Variants in RIMS4 observed in about 807,000 individuals in gnomAD.
RIMS4 encodes the protein regulating synaptic membrane exocytosis 4, also known as regulating synaptic membrane exocytosis protein 4.
In RIMS4, 9 loss-of-function variants were observed where a neutral mutation model predicts 29.0. The ratio of observed to expected loss-of-function variants is 0.31; its 90% confidence interval spans 0.19 to 0.54. The LOEUF (loss-of-function observed/expected upper bound fraction) is 0.54, where lower values mean the gene tolerates loss of function less well. RIMS4 is among the 20% of genes least tolerant of loss of function. RIMS4 has a pLI of 0.94. For synonymous variants in RIMS4, 130 were observed against 152.9 expected, an observed-to-expected ratio of 0.85 and a Z score of 1.10; for missense variants, 193 against 365.7, an observed-to-expected ratio of 0.53 and a Z score of 3.85.
chr20:44,804,659 C>T (rs973370048), intron 1 of RIMS4, among the ~76,000 whole-genome samples: 3 of 152,210 alleles, frequency 2.0e-5, no homozygotes, highest in Non-Finnish European at 4.4e-5. Flanking sequence ...CCTTCACCCC[C>T]ACTCAGCCTT....
chr20:44,808,003 A>G (rs2066306408), intron 1 of RIMS4, among the ~76,000 whole-genome samples: 1 of 152,052 alleles, frequency 6.6e-6, no homozygotes, highest in Admixed American at 6.6e-5. Context: ...GGTTTAATGG[A>G]AAGAGAACCA....
chr20:44,773,283 T>A (rs1879483734), intron 1 of RIMS4, among the ~76,000 whole-genome samples: 1 of 152,120 alleles, frequency 6.6e-6, no homozygotes, highest in Non-Finnish European at 1.5e-5. Context: ...CCATCATCTG[T>A]TCTTTCCCTA....
At position 44,810,519 on chromosome 20, in the gene RIMS4, C is replaced by CGGCGGCGGCGGCGGCGGCGGCGGT. The variant is rs1555866081; in HGVS notation, c.-249_-248insACCGCCGCCGCCGCCGCCGCCGCC. Among the ~76,000 whole-genome samples, 1 of 142,378 alleles carries CGGCGGCGGCGGCGGCGGCGGCGGT rather than the reference C, an allele frequency of 7.0e-6. No homozygotes were observed. The highest frequency in any genetic ancestry group is 6.9e-5 in the Admixed American group (1 of 14,430). 93.4% of individuals were successfully genotyped at this position (142,378 alleles called of 152,430 possible). A position where few individuals can be genotyped will look rare whatever the true frequency, so the allele number is the denominator to read the frequency against. Reference sequence around the variant, plus strand: ...GCGGCGGCGGCGGCGGCGGCGGTGGCGGCGGCGGTGGCGGCGCAGCGCGCT... The same window carrying CGGCGGCGGCGGCGGCGGCGGCGGT: ...GCGGCGGCGGCGGCGGCGGCGGTGGCGGCGGCGGCGGCGGCGGCGGCGGTGGCGGCGGTGGCGGCGCAGCGCGCT... On this transcript the variant is annotated 5_prime_UTR_variant, in exon 1 of 6. Transcript: ENST00000372851.
intron 1 of RIMS4, among the ~76,000 whole-genome samples, chr20:44,794,930 A>G (rs2066248207): frequency 6.6e-6 from 1 of 152,168 alleles, no homozygotes; most frequent in Admixed American, 6.5e-5. Flanking sequence ...GCAAACCCCA[A>G]ATCTGAGTTT....
chr20:44,788,342 G>C (rs1461420759), intron 1 of RIMS4, among the ~76,000 whole-genome samples: 1 of 152,208 alleles, frequency 6.6e-6, no homozygotes, highest in Non-Finnish European at 1.5e-5. Flanking sequence ...TGCAGGCACA[G>C]AACATTTTCA....
At position 44,771,370 on chromosome 20, in the gene RIMS4, C is replaced by T. The variant is rs1232087298; in HGVS notation, c.141G>A (p.Glu47=). Residue 47 remains glutamate (E), a synonymous_variant, in exon 2 of 6, where the codon GAG becomes GAA. Transcript: ENST00000372851. ...TGGGCATCTCCACTGCCAGGCCCGT[C>T]TCCGTGCTCCTCTGGATGGCCCCCT... ...RLKGAIQRST[E]TGLAVEMPSR... 3.7e-6 allele frequency: 6 copies of T among 1,613,918 alleles called. No homozygotes were observed. Among genetic ancestry groups the T allele is most frequent in the Non-Finnish European group, 4.2e-6 (5 of 1,179,964 alleles).
At chr20:44,779,569 T>C (rs561867881) in intron 1 of RIMS4, among the ~76,000 whole-genome samples, 12 of 152,394 alleles carry the variant, frequency 7.9e-5, no homozygotes, top group South Asian at 4.1e-4. Context: ...GATTGTTTCA[T>C]TGCAGTTCAT....
chr20:44,800,143 C>G (rs1434478478), intron 1 of RIMS4, among the ~76,000 whole-genome samples: 1 of 152,184 alleles, frequency 6.6e-6, no homozygotes, highest in African/African-American at 2.4e-5. Flanking sequence ...CTAGTGCAAC[C>G]CAACTTCTCT....
intron 2 of RIMS4, among the ~76,000 whole-genome samples, chr20:44,766,603 T>C (rs1568896443): frequency 2.6e-5 from 4 of 152,108 alleles, no homozygotes; most frequent in Non-Finnish European, 4.4e-5. Context: ...GAGGAATGGA[T>C]GGATTCAAGA....
chr20:44,771,098 C>T (rs781018799), intron 2 of RIMS4, among the ~76,000 whole-genome samples, 177 bp downstream of exon 2: 14 of 152,228 alleles, frequency 9.2e-5, no homozygotes, highest in Non-Finnish European at 1.6e-4. Flanking sequence ...CGCTCTCCCT[C>T]GGGGCTTTGC....
At chr20:44,766,408 G>A (rs185680249) in intron 2 of RIMS4, among the ~76,000 whole-genome samples, 2 of 152,284 alleles carry the variant, frequency 1.3e-5, no homozygotes, top group African/African-American at 4.8e-5. Context: ...AAGACCTGGA[G>A]GTGAGAAAAG....
At chr20:44,810,053 A>C (rs1456700030) in intron 1 of RIMS4, 122 bp downstream of exon 1, 3 of 378,810 alleles carry the variant, frequency 7.9e-6, no homozygotes, top group Admixed American at 4.2e-5. Context: ...GCGGAAGGAG[A>C]CCCTGGGGGC....
At chr20:44,772,952 G>A (rs893149330) in intron 1 of RIMS4, among the ~76,000 whole-genome samples, 29 of 152,080 alleles carry the variant, frequency 1.9e-4, no homozygotes, top group African/African-American at 5.8e-4. Context: ...TCACACACAC[G>A]TGTACACACA....
chr20:44,804,685 C>G (rs73288457), intron 1 of RIMS4, among the ~76,000 whole-genome samples: 2,129 of 152,276 alleles, frequency 0.014, 49 homozygotes, highest in African/African-American at 0.049. Context: ...GGAACTTGCT[C>G]TGCCTCTGGT....
rs193014115 is a variant in RIMS4 at position 44,790,622 on chromosome 20, C to T, written c.98-19209G>A. Among the ~76,000 whole-genome samples, 575 of 152,344 alleles carry T rather than the reference C, an allele frequency of 3.8e-3. 3 individuals carry two copies. Among genetic ancestry groups the T allele is most frequent in the Non-Finnish European group, 3.9e-3 (267 of 68,028 alleles). On this transcript the variant is annotated intron_variant, in intron 1 of 5. Transcript: ENST00000372851. ...AAGTCCTTGTGCCCAGCACCTAGGG[C>T]CTGGCCCAGTGCAGGTGCTCACTAA...
At chr20:44,793,391 T>C (rs2145473079) in intron 1 of RIMS4, among the ~76,000 whole-genome samples, 1 of 152,314 alleles carries the variant, frequency 6.6e-6, no homozygotes, top group African/African-American at 2.4e-5. Context: ...GTGCCACAGA[T>C]GAATGCGGAG....
chr20:44,789,741 A>G (rs755950293), intron 1 of RIMS4, among the ~76,000 whole-genome samples: 25 of 152,062 alleles, frequency 1.6e-4, no homozygotes, highest in Admixed American at 6.5e-5. Context: ...TATTATAGAG[A>G]TGGTGGTCTT....
In RIMS4 at chr20:44,753,068, G is replaced by A. The variant is rs1419354999; in HGVS notation, c.*3066C>T. The stretch of plus-strand genomic sequence containing the variant: ...TGCACTGGAGCAACGGTCTCCTGTC[G>A]CCTGAAGAACAATGGAGCCCCTAGT... On this transcript the variant is annotated 3_prime_UTR_variant, in exon 6 of 6. Coordinates refer to ENST00000372851, the MANE Select transcript of RIMS4 (RefSeq NM_182970.4). 1.3e-5 allele frequency: 2 copies of A among 152,774 alleles called. No individual in the cohort carries two copies. Among genetic ancestry groups the A allele is most frequent in the Non-Finnish European group, 2.9e-5 (2 of 68,120 alleles). 9.5% of individuals were successfully genotyped at this position (152,774 alleles called of 1,614,324 possible).
At chr20:44,786,414 C>T (rs1016434481) in intron 1 of RIMS4, among the ~76,000 whole-genome samples, 3 of 152,214 alleles carry the variant, frequency 2.0e-5, no homozygotes, top group South Asian at 2.1e-4. Context: ...CTCCTTGGTA[C>T]ACCCACAGAC....
Sources: allele counts gnomAD v4.1 joint callset (sites outside exome capture counted in the v4.1 genomes callset), GRCh38; gene constraint gnomAD v4.1.1; transcripts MANE v1.5; gene names NCBI Gene and HGNC (gene_info 2026-07-23, HGNC 2026-07-21).